GIGYF2: variants seen among roughly 807,000 people sequenced by gnomAD.
GIGYF2 encodes the protein GRB10-interacting GYF protein 2.
Under a neutral mutation model 208.1 loss-of-function variants are expected in GIGYF2, and 25 were observed. That is an observed-to-expected ratio of 0.12 (90% CI 0.09 to 0.17). GIGYF2 has a LOEUF of 0.17. GIGYF2 is among the 10% of genes least tolerant of loss of function. The pLI is 1.00. For synonymous variants in GIGYF2, 534 were observed against 543.8 expected (o/e 0.98, Z 0.25); for missense variants, 1,302 against 1,579.4 (o/e 0.82, Z 2.98).
In GIGYF2 at chr2:232,858,599, G is replaced by T. The variant is rs942748889; in HGVS notation, c.*1739G>T. On this transcript the variant is annotated 3_prime_UTR_variant, in exon 29 of 29. Coordinates refer to ENST00000373563, the MANE Select transcript of GIGYF2 (RefSeq NM_001103146.3). ...TGCCAGTGTGGAGGAAAATAAAAAA[G>T]AACTTAAATAAAATCTGATTGTATT... 3 of 454,004 alleles carry T rather than the reference G, an allele frequency of 6.6e-6. No homozygotes were observed. Among genetic ancestry groups the T allele is most frequent in the Non-Finnish European group, 8.8e-6 (2 of 226,322 alleles). The allele number at this position is 454,004 out of a possible 1,614,324, so 28.1% of individuals were successfully genotyped here.
rs745521826 is a variant in GIGYF2 at position 232,788,515 on chromosome 2, A to G, written c.712+1186A>G. On this transcript the variant is annotated intron_variant, in intron 9 of 28. Transcript: ENST00000373563. ...AGAGGGTTTGTAGACTATGTTCCCA[A>G]CAAGCATTCAGTGAAGAATGGATAG... 29 of 468,420 alleles carry G rather than the reference A, an allele frequency of 6.2e-5. 2 individuals are homozygous for G. The highest frequency in any genetic ancestry group is 4.5e-4 in the South Asian group (29 of 64,082). The allele number at this position is 468,420 out of a possible 1,614,324, so 29.0% of individuals were successfully genotyped here.
intron 18 of GIGYF2, among the ~76,000 whole-genome samples, chr2:232,814,577 C>CA (rs1553616913): frequency 0.012 from 1,548 of 129,976 alleles, 39 homozygotes; most frequent in African/African-American, 0.018. Context: ...CCCCCCCCCC[C>CA]AAAAAAAAAG....
intron 8 of GIGYF2, among the ~76,000 whole-genome samples, chr2:232,774,167 G>A (rs952767003): frequency 6.6e-6 from 1 of 151,972 alleles, no homozygotes; most frequent in East Asian, 1.9e-4. Flanking sequence ...GTAGTAAGTG[G>A]TGGATATGAA....
At chr2:232,735,408 G>A (rs1697691880) in intron 3 of GIGYF2, 170 bp downstream of exon 3, 1 of 623,414 alleles carries the variant, frequency 1.6e-6, no homozygotes, top group South Asian at 2.1e-5. Context: ...TGGTAAATGA[G>A]TGTATTCTAT....
chr2:232,853,684 A>G (rs1574958016), intron 28 of GIGYF2, among the ~76,000 whole-genome samples: 1 of 152,182 alleles, frequency 6.6e-6, no homozygotes, highest in Non-Finnish European at 1.5e-5. Context: ...TGTAAGAACA[A>G]CCTCACAAAT....
At chr2:232,725,382 C>T (rs1023337632) in intron 2 of GIGYF2, among the ~76,000 whole-genome samples, 2 of 152,190 alleles carry the variant, frequency 1.3e-5, no homozygotes, top group African/African-American at 4.8e-5. Context: ...CTTTCCTGCA[C>T]CTCCCCCTGT....
At chr2:232,845,175 T>C (rs1423103371) in intron 25 of GIGYF2, among the ~76,000 whole-genome samples, 1 of 152,232 alleles carries the variant, frequency 6.6e-6, no homozygotes, top group Non-Finnish European at 1.5e-5. Context: ...AAGATAATAA[T>C]AACAACTTTA....
chr2:232,719,659 AG>A (rs1485095813), intron 2 of GIGYF2, among the ~76,000 whole-genome samples: 3 of 152,208 alleles, frequency 2.0e-5, no homozygotes, highest in Non-Finnish European at 4.4e-5. Flanking sequence ...AGGGAGAAAA[AG>A]AAAAATAATT....
intron 12 of GIGYF2, among the ~76,000 whole-genome samples, chr2:232,794,332 G>A (rs1700158599): frequency 6.6e-6 from 1 of 152,052 alleles, no homozygotes; most frequent in African/African-American, 2.4e-5. Flanking sequence ...GGTACTTACT[G>A]AGCATAATCA....
chr2:232,844,199 AAGC>A lies in GIGYF2; in HGVS notation c.3063_3065del (p.Gln1022del), dbSNP rs751210729. 127 of 1,560,004 alleles carry A rather than the reference AAGC, an allele frequency of 8.1e-5. No individual in the cohort carries two copies. Among genetic ancestry groups the A allele is most frequent in the Non-Finnish European group, 1.0e-4 (116 of 1,150,354 alleles). ...GCAGGAAGAGGCCAGGCAAATGCAA[AAGC>A]AGCAGCAGCAGCAGCAGCAACACCA... On this transcript the variant is annotated inframe_deletion, in exon 24 of 29. Transcript: ENST00000373563.
At chr2:232,791,898 A>G (rs1028179143) in intron 12 of GIGYF2, among the ~76,000 whole-genome samples, 1 of 152,234 alleles carries the variant, frequency 6.6e-6, no homozygotes, top group Admixed American at 6.5e-5. Flanking sequence ...AGCTTAAAAC[A>G]TATCTCTTTC....
Position 232,860,284 on chromosome 2 carries a change from A to G in GIGYF2, c.*3424A>G, listed in dbSNP as rs965457723. 5 of 151,794 alleles carry G rather than the reference A, an allele frequency of 3.3e-5. No homozygotes were observed. In the East Asian group the frequency reaches 9.6e-4, roughly 29 times the overall value. The allele number at this position is 151,794 out of a possible 1,614,324, so 9.4% of individuals were successfully genotyped here. A position where few individuals can be genotyped will look rare whatever the true frequency, so the allele number is the denominator to read the frequency against. On this transcript the variant is annotated 3_prime_UTR_variant, in exon 29 of 29. Transcript: ENST00000373563. ...GTAGCTGGGACTACAGCTATGTGCC[A>G]GTGCACCCAGCTTGTTTTTTTTAAA...
rs1416026928 is a variant in GIGYF2, at chr2:232,787,184, A to G, written c.567A>G (p.Ser189=). 1.2e-6 allele frequency: 2 copies of G among 1,614,060 alleles called. No homozygotes were observed. The highest frequency in any genetic ancestry group is 2.2e-5 in the East Asian group (1 of 44,870). ...RPNFEEGGPT[S]VGRKHEFIRS... is the part of the protein sequence containing the mutation. The stretch of plus-strand genomic sequence containing the variant: ...ATTTTGAGGAAGGTGGACCAACATC[A>G]GTAGGGAGAAAGCATGAATTTATAC... Residue 189 remains serine (S), a synonymous_variant, in exon 9 of 29, where the codon TCA becomes TCG. Transcript: ENST00000373563.
At chr2:232,810,405 A>G (rs1284851765) in intron 16 of GIGYF2, 1 of 154,230 alleles carries the variant, frequency 6.5e-6, no homozygotes, top group Non-Finnish European at 1.4e-5. Flanking sequence ...AGGAAAAAAA[A>G]TATATATGTA....
intron 21 of GIGYF2, among the ~76,000 whole-genome samples, chr2:232,827,483 C>T (rs1375927946): frequency 1.3e-5 from 2 of 152,118 alleles, no homozygotes; most frequent in African/African-American, 2.4e-5. Context: ...GTTGTTTTAT[C>T]AGTGTTTGTA....
At chr2:232,763,367 C>G (rs913101573) in intron 8 of GIGYF2, among the ~76,000 whole-genome samples, 3 of 151,998 alleles carry the variant, frequency 2.0e-5, no homozygotes, top group Non-Finnish European at 2.9e-5. Context: ...TTCAAGACCC[C>G]CAGTGGATGC....
chr2:232,779,820 A>G (rs1699651143), intron 8 of GIGYF2, among the ~76,000 whole-genome samples: 1 of 152,236 alleles, frequency 6.6e-6, no homozygotes, highest in Non-Finnish European at 1.5e-5. Flanking sequence ...CTCTGGGTAC[A>G]GAAGTTAAAC....
At chr2:232,743,647 A>G (rs906897070) in intron 3 of GIGYF2, among the ~76,000 whole-genome samples, 12 of 152,140 alleles carry the variant, frequency 7.9e-5, no homozygotes, top group African/African-American at 2.9e-4. Context: ...AGTGAAGAAT[A>G]TTACCCAAAT....
At position 232,794,812 on chromosome 2, in the gene GIGYF2, C is replaced by T. The variant is rs1368636651; in HGVS notation, c.1347C>T (p.Leu449=). 1.2e-6 allele frequency: 2 copies of T among 1,613,886 alleles called. No homozygotes were observed. The highest frequency in any genetic ancestry group is 2.2e-5 in the East Asian group (1 of 44,872). Residue 449 remains leucine, a synonymous_variant, in exon 13 of 29, where the codon CTC becomes CTT. Coordinates refer to ENST00000373563, the MANE Select transcript of GIGYF2 (RefSeq NM_001103146.3). ...CTTCAGATACAGCCTCTCCTCTTCT[C>T]ATACTTCCACCTCCTGTTCCCAATC... The part of the protein sequence containing the change: ...QIPSDTASPL[L]ILPPPVPNPS...
Sources: gnomAD v4.1 joint callset for allele counts (sites outside exome capture counted in the v4.1 genomes callset) on GRCh38, gnomAD v4.1.1 for gene constraint, MANE v1.5 for transcripts, NCBI Gene and HGNC (gene_info 2026-07-23, HGNC 2026-07-21) for gene names.